The following ASAP1 variants were observed in gnomAD, a reference collection of about 807,000 sequenced individuals.
The protein encoded by ASAP1 is arf-GAP with SH3 domain, ANK repeat and PH domain-containing protein 1.
Under a neutral mutation model 145.2 loss-of-function variants are expected in ASAP1, and 43 were observed. The observed-to-expected ratio is 0.30, with a 90% CI of 0.23 to 0.38. ASAP1 has a LOEUF of 0.38. ASAP1 is among the 10% of genes least tolerant of loss of function. The probability of loss-of-function intolerance (pLI) is 1.00; values close to 1 mark genes in which losing one functional copy is unlikely to be tolerated. For synonymous variants in ASAP1, 546 were observed against 515.5 expected, an observed-to-expected ratio of 1.06 and a Z score of -0.80; for missense variants, 1,018 against 1,355.3, an observed-to-expected ratio of 0.75 and a Z score of 3.91.
chr8:130,195,389 A>G (rs1815415968), intron 5 of ASAP1: 1 of 150,568 alleles, frequency 6.6e-6, no homozygotes, highest in Non-Finnish European at 1.5e-5. Flanking sequence ...GAAAAAAAAA[A>G]AAAAAAAAAA....
At chr8:130,119,385 A>G (rs1413927996) in intron 18 of ASAP1, among the ~76,000 whole-genome samples, 2 of 152,222 alleles carry the variant, frequency 1.3e-5, no homozygotes, top group Non-Finnish European at 2.9e-5. Context: ...GGAGCAGGAG[A>G]CCACATGGAT....
chr8:130,131,185 CAAACAAAA>C (rs1416277683), intron 15 of ASAP1, among the ~76,000 whole-genome samples: 2 of 148,632 alleles, frequency 1.3e-5, no homozygotes, highest in Non-Finnish European at 3.0e-5. Context: ...AACAAACAAA[CAAACAAAA>C]AAGCCACTAG....
intron 3 of ASAP1, among the ~76,000 whole-genome samples, chr8:130,287,670 G>A (rs1166245539): frequency 1.3e-5 from 2 of 152,184 alleles, no homozygotes; most frequent in Admixed American, 6.5e-5. Flanking sequence ...TGCAAAATGC[G>A]TAAGCCCTAT....
At chr8:130,385,204 G>A (rs988208750) in intron 2 of ASAP1, among the ~76,000 whole-genome samples, 1 of 152,186 alleles carries the variant, frequency 6.6e-6, no homozygotes, top group Non-Finnish European at 1.5e-5. Context: ...GGTGGCTCAC[G>A]CCTGTAATCC....
chr8:130,114,683 G>A (rs2097552047), intron 23 of ASAP1, among the ~76,000 whole-genome samples: 1 of 151,276 alleles, frequency 6.6e-6, no homozygotes, highest in African/African-American at 2.4e-5. Context: ...AGTGTGTTGT[G>A]GACTGAAATG....
chr8:130,341,743 C>G (rs1218198529), intron 3 of ASAP1, among the ~76,000 whole-genome samples: 2 of 152,188 alleles, frequency 1.3e-5, no homozygotes, highest in Non-Finnish European at 2.9e-5. Context: ...GACCAAGGTT[C>G]AGTCACCAAT....
At chr8:130,277,246 C>T (rs978787029) in intron 3 of ASAP1, among the ~76,000 whole-genome samples, 2 of 152,228 alleles carry the variant, frequency 1.3e-5, no homozygotes, top group Admixed American at 6.5e-5. Flanking sequence ...AACCAGTCTG[C>T]CCCATCCAGT....
intron 11 of ASAP1, among the ~76,000 whole-genome samples, chr8:130,164,045 A>G (rs2097675052): frequency 6.6e-6 from 1 of 152,182 alleles, no homozygotes; most frequent in South Asian, 2.1e-4. Context: ...AAAATTTCTA[A>G]TGCAAGGTAT....
intron 12 of ASAP1, among the ~76,000 whole-genome samples, chr8:130,153,284 C>A (rs2097650480): frequency 6.8e-6 from 1 of 146,842 alleles, no homozygotes; most frequent in Admixed American, 6.8e-5. Flanking sequence ...TCCCAAAGTG[C>A]TGAGATTACA....
At chr8:130,390,932 A>AG (rs1828247467) in intron 2 of ASAP1, among the ~76,000 whole-genome samples, 1 of 138,242 alleles carries the variant, frequency 7.2e-6, no homozygotes, top group African/African-American at 3.0e-5. Context: ...CTGGGTATAT[A>AG]TCCCCCGCCC....
intron 3 of ASAP1, among the ~76,000 whole-genome samples, chr8:130,267,182 C>T (rs1370441630): frequency 2.0e-5 from 3 of 150,558 alleles, no homozygotes; most frequent in African/African-American, 7.3e-5. Context: ...CCTTTTCATA[C>T]ACTCCAGTTG....
intron 8 of ASAP1, 61 bp from the exon 9 acceptor site, chr8:130,179,410 G>T: frequency 9.4e-7 from 1 of 1,058,710 alleles, no homozygotes; most frequent in Non-Finnish European, 1.5e-6. Context: ...TCAGCCATGG[G>T]TTCAGGTGGC....
chr8:130,265,808 T>C (rs1187554853), intron 3 of ASAP1, among the ~76,000 whole-genome samples: 1 of 151,878 alleles, frequency 6.6e-6, no homozygotes, highest in Non-Finnish European at 1.5e-5. Flanking sequence ...GCCTGGGAGG[T>C]CGAGGCTGAA....
chr8:130,406,346 A>G (rs1829027604), intron 1 of ASAP1, among the ~76,000 whole-genome samples: 2 of 152,186 alleles, frequency 1.3e-5, no homozygotes, highest in Admixed American at 1.3e-4. Flanking sequence ...TGATGATGAC[A>G]GCTTCCTTGC....
At chr8:130,404,634 G>T (rs1828943885) in intron 1 of ASAP1, among the ~76,000 whole-genome samples, 1 of 152,204 alleles carries the variant, frequency 6.6e-6, no homozygotes, top group Non-Finnish European at 1.5e-5. Context: ...GAGCAGCTGA[G>T]TTAGTATGGT....
intron 4 of ASAP1, among the ~76,000 whole-genome samples, chr8:130,222,087 T>C (rs1817326685): frequency 6.6e-6 from 1 of 152,218 alleles, no homozygotes; most frequent in Admixed American, 6.5e-5. Flanking sequence ...CAGACAACGC[T>C]GAAGAGTTTA....
intron 4 of ASAP1, among the ~76,000 whole-genome samples, chr8:130,225,298 C>A (rs116451011): frequency 0.015 from 2,260 of 152,204 alleles, 30 homozygotes; most frequent in African/African-American, 0.038. Context: ...AATCTGTATG[C>A]AAAAGACTTT....
intron 3 of ASAP1, among the ~76,000 whole-genome samples, chr8:130,270,761 A>G (rs1209388927): frequency 6.6e-6 from 1 of 152,234 alleles, no homozygotes; most frequent in East Asian, 1.9e-4. Context: ...TGCTGGGAAA[A>G]AACAGTCCTT....
chr8:130,274,115 C>A (rs1199344225), intron 3 of ASAP1, among the ~76,000 whole-genome samples: 1 of 152,176 alleles, frequency 6.6e-6, no homozygotes, highest in Non-Finnish European at 1.5e-5. Context: ...ACTCACAATA[C>A]CTTATATAAT....
Sources: allele counts gnomAD v4.1 joint callset (sites outside exome capture counted in the v4.1 genomes callset), GRCh38; gene constraint gnomAD v4.1.1; transcripts MANE v1.5; gene names NCBI Gene and HGNC (gene_info 2026-07-23, HGNC 2026-07-21).